Variants in FBXW11 observed in about 807,000 individuals in gnomAD.
FBXW11 encodes the protein F-box and WD repeat domain containing 11.
In FBXW11, 19 loss-of-function variants were observed where a neutral mutation model predicts 77.6. The observed-to-expected ratio is 0.24, with a 90% CI of 0.17 to 0.36. The LOEUF is 0.36. FBXW11 is among the 10% of genes least tolerant of loss of function. The pLI, the probability that FBXW11 is intolerant of heterozygous loss-of-function variation, is 1.00. For synonymous variants in FBXW11, 235 were observed against 249.4 expected, an observed-to-expected ratio of 0.94 and a Z score of 0.54; for missense variants, 334 against 704.2, an observed-to-expected ratio of 0.47 and a Z score of 5.95.
intron 1 of FBXW11, among the ~76,000 whole-genome samples, chr5:171,989,269 T>C (rs1330869997): frequency 6.6e-6 from 1 of 152,254 alleles, no homozygotes; most frequent in African/African-American, 2.4e-5. Context: ...TGAAAGGCTG[T>C]AATGAAACAG....
rs1221788996 is a variant in FBXW11, at chr5:171,904,249, C to T, written c.437-4149G>A. On this transcript the variant is annotated intron_variant, in intron 4 of 13. Coordinates refer to ENST00000517395, the MANE Select transcript of FBXW11 (RefSeq NM_001378974.1). The surrounding 1 kb of genome is among the most constrained non-coding windows in gnomAD (Gnocchi z 4.0). ...GGTGGCGGTTGCAGTAAGTGGAGATCATGCCACTGCACTCTAGCCTGGGTT... is the reference window on the plus strand; with the variant it reads ...GGTGGCGGTTGCAGTAAGTGGAGATTATGCCACTGCACTCTAGCCTGGGTT... Among the ~76,000 whole-genome samples the T allele has an allele frequency of 3.3e-5, 5 of 152,122 alleles. No homozygotes were observed. The highest frequency in any genetic ancestry group is 7.4e-5 in the Non-Finnish European group (5 of 68,020).
At chr5:171,913,838 C>CACACACACACACACACAT in intron 3 of FBXW11, among the ~76,000 whole-genome samples, 1 of 63,822 alleles carries the variant, frequency 1.6e-5, no homozygotes, top group South Asian at 4.6e-4. Flanking sequence ...CACACACACA[C>CACACACACACACACACAT]ACACACACAC....
chr5:172,000,982 T>C (rs1233460126), intron 1 of FBXW11, among the ~76,000 whole-genome samples: 1 of 152,194 alleles, frequency 6.6e-6, no homozygotes, highest in African/African-American at 2.4e-5. Flanking sequence ...CCTCAGTTCT[T>C]TGCTAACAAC....
At position 171,861,676 on chromosome 5, in the gene FBXW11, T is replaced by C. The variant is rs558297870; in HGVS notation, c.*2451A>G. 3 of 152,734 alleles carry C rather than the reference T, an allele frequency of 2.0e-5. No homozygotes were observed. The South Asian group carries it at 6.2e-4, about 32-fold the overall frequency. 9.5% of individuals were successfully genotyped at this position (152,734 alleles called of 1,614,324 possible). ...CGATTTATTGACATTACTTAGCAATTTACTGGACAAAAGTCAAACTTTTTT... is the reference window on the plus strand; with the variant it reads ...CGATTTATTGACATTACTTAGCAATCTACTGGACAAAAGTCAAACTTTTTT... On this transcript the variant is annotated 3_prime_UTR_variant, in exon 14 of 14. Coordinates refer to ENST00000517395, the MANE Select transcript of FBXW11 (RefSeq NM_001378974.1).
chr5:171,899,585 C>T (rs1315970781), intron 5 of FBXW11, among the ~76,000 whole-genome samples: 1 of 152,142 alleles, frequency 6.6e-6, no homozygotes, highest in African/African-American at 2.4e-5. Context: ...AGCAAAATGG[C>T]ACTATCTGAC....
At chr5:171,880,392 A>T (rs1758421167) in intron 7 of FBXW11, among the ~76,000 whole-genome samples, 1 of 152,160 alleles carries the variant, frequency 6.6e-6, no homozygotes, top group Non-Finnish European at 1.5e-5. Context: ...CTCTGTCTTT[A>T]TTCTACTTCA....
At chr5:171,925,946 C>T (rs923509002) in intron 2 of FBXW11, among the ~76,000 whole-genome samples, 2 of 152,162 alleles carry the variant, frequency 1.3e-5, no homozygotes, top group South Asian at 4.1e-4. Flanking sequence ...AAGGCCTAAA[C>T]TATTTTAAGT....
chr5:171,966,525 G>A (rs537375787), intron 1 of FBXW11, among the ~76,000 whole-genome samples: 2 of 152,274 alleles, frequency 1.3e-5, no homozygotes, highest in South Asian at 2.1e-4. Context: ...TCTATTTCCG[G>A]CATAGCCACA....
intron 2 of FBXW11, among the ~76,000 whole-genome samples, chr5:171,944,447 C>T (rs1456437072): frequency 2.6e-5 from 4 of 151,388 alleles, no homozygotes; most frequent in East Asian, 1.9e-4. Flanking sequence ...AGGTGGCGGG[C>T]GCCTGTAGTC....
chr5:172,002,673 T>TTCG (rs1766481115), intron 1 of FBXW11, among the ~76,000 whole-genome samples: 1 of 150,636 alleles, frequency 6.6e-6, no homozygotes, highest in Non-Finnish European at 1.5e-5. Context: ...ACTTCATTTA[T>TTCG]TCGTTTCTTT....
chr5:171,950,718 T>C (rs1456225777), intron 2 of FBXW11, among the ~76,000 whole-genome samples: 4 of 151,998 alleles, frequency 2.6e-5, no homozygotes, highest in African/African-American at 9.7e-5. Flanking sequence ...AAATCTCGTC[T>C]CCACTTAAAA....
chr5:171,913,540 G>A (rs1460564201), intron 3 of FBXW11, among the ~76,000 whole-genome samples: 5 of 152,058 alleles, frequency 3.3e-5, no homozygotes, highest in Admixed American at 3.3e-4. Flanking sequence ...TTCCAGCCAC[G>A]TGCTCAGCCC....
chr5:171,994,102 T>A (rs901627628), intron 1 of FBXW11, among the ~76,000 whole-genome samples: 1 of 152,200 alleles, frequency 6.6e-6, no homozygotes, highest in Non-Finnish European at 1.5e-5. Context: ...TAAAACTGTT[T>A]CCTTTTGCAA....
At chr5:171,882,467 A>G (rs1758582967) in intron 7 of FBXW11, among the ~76,000 whole-genome samples, 1 of 151,876 alleles carries the variant, frequency 6.6e-6, no homozygotes, top group Non-Finnish European at 1.5e-5. Flanking sequence ...ATGCCCAGCT[A>G]ATGTTTTTTA....
At chr5:171,883,865 T>C (rs1247872124) in intron 7 of FBXW11, among the ~76,000 whole-genome samples, 1 of 152,216 alleles carries the variant, frequency 6.6e-6, no homozygotes, top group Non-Finnish European at 1.5e-5. Context: ...GTTTTTTTCT[T>C]GTTGATTTGT....
chr5:171,874,752 CAAAAA>C (rs34775989), intron 9 of FBXW11, among the ~76,000 whole-genome samples: 1 of 38,152 alleles, frequency 2.6e-5, no homozygotes, highest in South Asian at 1.2e-3. Context: ...CTGGTCTCTA[CAAAAA>C]AAAAAAAAAA....
chr5:171,861,765 G>C lies in FBXW11; in HGVS notation c.*2362C>G, dbSNP rs528267999. On this transcript the variant is annotated 3_prime_UTR_variant, in exon 14 of 14. Transcript: ENST00000517395. ...TGAATAATATCTGTACAATTTAACAGTTTCAATAGCTGTTCAGACACAAAT... is the reference window on the plus strand; with the variant it reads ...TGAATAATATCTGTACAATTTAACACTTTCAATAGCTGTTCAGACACAAAT... The C allele has an allele frequency of 8.5e-5, 13 of 152,746 alleles. No homozygotes were observed. The highest frequency in any genetic ancestry group is 5.2e-4 in the Admixed American group (8 of 15,306). The allele number at this position is 152,746 out of a possible 1,614,324, so 9.5% of individuals were successfully genotyped here.
At chr5:171,942,897 T>G (rs1414623400) in intron 2 of FBXW11, among the ~76,000 whole-genome samples, 1 of 152,214 alleles carries the variant, frequency 6.6e-6, no homozygotes, top group Non-Finnish European at 1.5e-5. Flanking sequence ...ATCTCTTTTC[T>G]GTGAACTCTA....
At position 171,957,653 on chromosome 5, in the gene FBXW11, C is replaced by T. The variant is rs754246023; in HGVS notation, c.91G>A (p.Glu31Lys). 3.7e-6 allele frequency: 6 copies of T among 1,614,068 alleles called. No individual in the cohort carries two copies. The highest frequency in any genetic ancestry group is 1.7e-5 in the Admixed American group (1 of 60,010). ...SLWLGCANLV[E>K]SMCALSCLQS... ...AGGCAACTCAGTGCGCACATGCTCT[C>T]TACCAGGTTGGCGCAGCCTAGCCAC... The change falls in exon 2 of 14, where the codon GAG (glutamate) becomes AAG (lysine). Residue 31 changes from glutamate (E) to lysine (K), a missense_variant. Transcript: ENST00000517395.
Sources: gnomAD v4.1 joint callset for allele counts (sites outside exome capture counted in the v4.1 genomes callset) on GRCh38, gnomAD v4.1.1 for gene constraint, Gnocchi (gnomAD v3.1) non-coding constraint, MANE v1.5 for transcripts, NCBI Gene and HGNC (gene_info 2026-07-23, HGNC 2026-07-21) for gene names.